Variants in CPAMD8 observed in about 807,000 individuals in gnomAD.
CPAMD8 encodes C3 and PZP like alpha-2-macroglobulin domain containing 8, also known as C3 and PZP-like alpha-2-macroglobulin domain-containing protein 8.
In CPAMD8, 146 loss-of-function variants were observed where a neutral mutation model predicts 224.7. That is an observed-to-expected ratio of 0.65 (90% CI 0.57 to 0.75). The LOEUF (loss-of-function observed/expected upper bound fraction) is 0.75. Ranked by LOEUF, CPAMD8 falls within the 30% of genes least tolerant of loss-of-function variation. The probability of loss-of-function intolerance (pLI) is 0.00; values close to 1 mark genes in which losing one functional copy is unlikely to be tolerated. For synonymous variants in CPAMD8, 966 were observed against 1,044.6 expected, an observed-to-expected ratio of 0.92 and a Z score of 1.45; for missense variants, 2,301 against 2,537.5, an observed-to-expected ratio of 0.91 and a Z score of 2.00.
chr19:16,933,149 G>A (rs2053592270), intron 23 of CPAMD8, among the ~76,000 whole-genome samples: 1 of 151,832 alleles, frequency 6.6e-6, no homozygotes, highest in South Asian at 2.1e-4. Context: ...TCCAAATGCA[G>A]AAACATAAAC....
chr19:16,999,523 T>G (rs570167776), intron 10 of CPAMD8, among the ~76,000 whole-genome samples: 1 of 149,174 alleles, frequency 6.7e-6, no homozygotes, highest in African/African-American at 2.5e-5. Context: ...AGGCGGAGCT[T>G]GCAGTGAGCC....
chr19:16,916,778 T>C (rs2052977624), intron 27 of CPAMD8, among the ~76,000 whole-genome samples: 1 of 151,784 alleles, frequency 6.6e-6, no homozygotes, highest in South Asian at 2.1e-4. Flanking sequence ...TAAAATAAAA[T>C]AAAATATACC....
intron 16 of CPAMD8, among the ~76,000 whole-genome samples, 175 bp from the exon 17 acceptor site, chr19:16,975,433 AC>A (rs1343921585): frequency 6.6e-6 from 1 of 152,198 alleles, no homozygotes; most frequent in African/African-American, 2.4e-5. Context: ...GGAGCCAGGC[AC>A]AGTGGCCCAT....
At chr19:16,933,702 G>T (rs1282535387) in intron 23 of CPAMD8, among the ~76,000 whole-genome samples, 1 of 152,188 alleles carries the variant, frequency 6.6e-6, no homozygotes, top group African/African-American at 2.4e-5. Flanking sequence ...TGTTGGTGAG[G>T]ATGGGGAGGA....
At chr19:16,985,780 G>A (rs1435298867) in intron 13 of CPAMD8, among the ~76,000 whole-genome samples, 2 of 151,420 alleles carry the variant, frequency 1.3e-5, no homozygotes, top group African/African-American at 4.9e-5. Flanking sequence ...TGAATGGAGG[G>A]AGAGAGGATA....
intron 5 of CPAMD8, among the ~76,000 whole-genome samples, chr19:17,010,462 A>C (rs778980521): frequency 1.1e-4 from 16 of 151,768 alleles, no homozygotes; most frequent in Non-Finnish European, 2.1e-4. Flanking sequence ...ATGGTCTCGG[A>C]CTCCTGGCCA....
chr19:16,914,805 G>T lies in CPAMD8; in HGVS notation c.3638C>A (p.Ala1213Asp). 6.2e-7 allele frequency: 1 copy of T among 1,609,042 alleles called. No individual in the cohort carries two copies. The highest frequency in any genetic ancestry group is 1.3e-5 in the African/African-American group (1 of 75,016). Residue 1213 changes from alanine to aspartate, a missense_variant, in exon 28 of 42, where the codon GCC becomes GAC. Coordinates refer to ENST00000443236, the MANE Select transcript of CPAMD8 (RefSeq NM_015692.5). ...RDASGSMWLTAFVLKSFAQAR... is the reference protein window; with the variant it reads ...RDASGSMWLTDFVLKSFAQAR... ...CTGTGCGAAGGACTTCAGGACAAAG[G>T]CTGTGAGCCTGAAAGAGGACAGGGT...
intron 30 of CPAMD8, among the ~76,000 whole-genome samples, chr19:16,905,317 T>C (rs773859): frequency 0.49 from 73,257 of 150,192 alleles, 19,680 homozygotes; most frequent in African/African-American, 0.72. Context: ...CGGTGGCTCA[T>C]GCCTGTAATC....
At chr19:17,011,819 G>A (rs922090223) in intron 3 of CPAMD8, 62 bp from the exon 4 acceptor site, 27 of 1,562,024 alleles carry the variant, frequency 1.7e-5, no homozygotes, top group African/African-American at 4.1e-5. Context: ...AAGATACTGG[G>A]GAAGGAGTTT....
intron 36 of CPAMD8, among the ~76,000 whole-genome samples, chr19:16,900,375 A>G (rs2052203025): frequency 6.6e-6 from 1 of 152,068 alleles, no homozygotes. Context: ...AGGTGGGCTG[A>G]TCACCCGAGG....
intron 12 of CPAMD8, among the ~76,000 whole-genome samples, chr19:16,991,854 C>CAAAAA (rs201607210): frequency 3.4e-4 from 49 of 144,568 alleles, no homozygotes; most frequent in African/African-American, 7.9e-4. Context: ...GACTCTGTAT[C>CAAAAA]AAAAAAAAAA....
At chr19:16,948,672 T>G (rs2054184736) in intron 20 of CPAMD8, among the ~76,000 whole-genome samples, 1 of 150,824 alleles carries the variant, frequency 6.6e-6, no homozygotes, top group South Asian at 2.1e-4. Flanking sequence ...AGGTGGAGGT[T>G]GCAGTAAGCC....
chr19:17,004,269 T>C lies in CPAMD8; in HGVS notation c.673+4A>G, dbSNP rs2056420485. 2 of 1,588,730 alleles carry C rather than the reference T, an allele frequency of 1.3e-6. No individual in the cohort carries two copies. The highest frequency in any genetic ancestry group is 1.1e-5 in the South Asian group (1 of 90,528). On this transcript the variant is annotated splice_donor_region_variant and intron_variant, in intron 8 of 41. Coordinates refer to ENST00000443236, the MANE Select transcript of CPAMD8 (RefSeq NM_015692.5). ...TCCCAAGACCCTGAGATTCTCCAAC[T>C]TACCATACTTCTGAACTTCAAAAGA... is the stretch of plus-strand genomic sequence containing the variant.
chr19:16,942,772 T>C (rs2053944220), intron 22 of CPAMD8, among the ~76,000 whole-genome samples: 1 of 152,172 alleles, frequency 6.6e-6, no homozygotes, highest in Non-Finnish European at 1.5e-5. Context: ...CACTTGTCCA[T>C]CCTGGTTCCA....
rs1033772311 is a variant in CPAMD8 at position 16,896,685 on chromosome 19, C to A, written c.5066-20G>T. 1 of 1,410,780 alleles carries A rather than the reference C, an allele frequency of 7.1e-7. No individual in the cohort carries two copies. The highest frequency in any genetic ancestry group is 2.7e-5 in the Admixed American group (1 of 37,052). The allele number at this position is 1,410,780 out of a possible 1,614,324, so 87.4% of individuals were successfully genotyped here. ...ACCAGCCTGGGGGACGAGGCAGGCT[C>A]GACAGACCCCCCACCCTGAACCTTG... On this transcript the variant is annotated intron_variant, in intron 39 of 41. Transcript: ENST00000443236.
At chr19:17,011,352 G>T (rs955669602) in intron 5 of CPAMD8, 112 bp downstream of exon 5, 2 of 1,224,250 alleles carry the variant, frequency 1.6e-6, no homozygotes, top group African/African-American at 3.0e-5. Flanking sequence ...AACCATGAAA[G>T]AAAATAGAAA....
chr19:17,009,770 T>C (rs990744394), intron 5 of CPAMD8, among the ~76,000 whole-genome samples: 1 of 147,540 alleles, frequency 6.8e-6, no homozygotes, highest in Non-Finnish European at 1.5e-5. Context: ...CGAGACTCCG[T>C]CTCAAAAAAA....
chr19:17,009,399 G>C, intron 5 of CPAMD8, 79 bp from the exon 6 acceptor site: 1 of 1,609,714 alleles, frequency 6.2e-7, no homozygotes, highest in Non-Finnish European at 8.5e-7. Flanking sequence ...GCATGGCCTC[G>C]GTCCCCGGGA....
rs776537003 is a variant in CPAMD8, at chr19:16,907,012, G to A, written c.3967C>T (p.Leu1323Phe). The change falls in exon 30 of 42, where the codon CTC (leucine) becomes TTC (phenylalanine). Residue 1323 changes from leucine (L) to phenylalanine (F), a missense_variant. By Grantham distance (22) the Leu-to-Phe change is conservative. Transcript: ENST00000443236. ...CALTTYALTL[L>F]RSPAAPEALR... ...GCCTCAGGGGCTGCCGGGCTGCGGA[G>A]CAGGGTCAGCGCGTAGGTAGTCAGG... 1 of 1,606,354 alleles carries A rather than the reference G, an allele frequency of 6.2e-7. No homozygotes were observed. The highest frequency in any genetic ancestry group is 1.1e-5 in the South Asian group (1 of 88,740).
Sources: gnomAD v4.1 joint callset for allele counts (sites outside exome capture counted in the v4.1 genomes callset) on GRCh38, gnomAD v4.1.1 for gene constraint, MANE v1.5 for transcripts, NCBI Gene and HGNC (gene_info 2026-07-23, HGNC 2026-07-21) for gene names.